Variants in SGCZ observed in about 807,000 individuals in gnomAD.
SGCZ encodes the protein sarcoglycan zeta.
A neutral mutation model predicts 41.3 loss-of-function variants in SGCZ; 40 were observed. The observed-to-expected ratio is 0.97, with a 90% CI of 0.75 to 1.26. The LOEUF is 1.26. SGCZ is among the 50% of genes most tolerant of loss of function. The probability of loss-of-function intolerance (pLI) is 0.00; values close to 1 mark genes in which losing one functional copy is unlikely to be tolerated. For synonymous variants in SGCZ, 206 were observed against 137.5 expected (o/e 1.50, Z -3.49); for missense variants, 552 against 369.8 (o/e 1.49, Z -4.04).
chr8:14,814,153 A>C (rs540502715), intron 1 of SGCZ, among the ~76,000 whole-genome samples: 7 of 152,294 alleles, frequency 4.6e-5, no homozygotes, highest in African/African-American at 1.7e-4. Context: ...AGTTTGAAAT[A>C]ATTAATAAGT....
At chr8:14,403,293 C>T (rs1472826643) in intron 2 of SGCZ, among the ~76,000 whole-genome samples, 2 of 150,296 alleles carry the variant, frequency 1.3e-5, no homozygotes, top group Admixed American at 1.3e-4. Context: ...CCTTCTCCTG[C>T]CTCACTGCCT....
At chr8:14,141,220 T>A (rs1803359241) in intron 5 of SGCZ, among the ~76,000 whole-genome samples, 1 of 152,120 alleles carries the variant, frequency 6.6e-6, no homozygotes, top group African/African-American at 2.4e-5. Flanking sequence ...ATAAAAACCC[T>A]AGAAGGAAAC....
At chr8:14,227,902 C>G (rs1426988610) in intron 4 of SGCZ, among the ~76,000 whole-genome samples, 1 of 152,008 alleles carries the variant, frequency 6.6e-6, no homozygotes, top group East Asian at 1.9e-4. Flanking sequence ...CTGTAGTTAA[C>G]AGACCTAGAT....
intron 2 of SGCZ, among the ~76,000 whole-genome samples, chr8:14,525,193 T>A (rs28759255): frequency 1.3e-5 from 1 of 74,630 alleles, no homozygotes; most frequent in Admixed American, 1.4e-4. Flanking sequence ...GATAGATAGA[T>A]AGACAGACAG....
chr8:14,313,409 GTTC>G, intron 3 of SGCZ, among the ~76,000 whole-genome samples: 1 of 152,160 alleles, frequency 6.6e-6, no homozygotes, highest in East Asian at 1.9e-4. Flanking sequence ...CGCCTCCTGA[GTTC>G]AAGTGATTCT....
chr8:14,817,997 T>C (rs1172483902), intron 1 of SGCZ, among the ~76,000 whole-genome samples: 1 of 152,196 alleles, frequency 6.6e-6, no homozygotes, highest in Non-Finnish European at 1.5e-5. Context: ...CAGGTACATT[T>C]ACTTATCCCA....
chr8:14,454,675 T>C, intron 2 of SGCZ, among the ~76,000 whole-genome samples: 1 of 152,122 alleles, frequency 6.6e-6, no homozygotes, highest in Admixed American at 6.6e-5. Context: ...TAGCATGGTA[T>C]TGATACAGAA....
chr8:15,047,037 T>A (rs1804330738), intron 1 of SGCZ, among the ~76,000 whole-genome samples: 1 of 152,098 alleles, frequency 6.6e-6, no homozygotes, highest in East Asian at 1.9e-4. Flanking sequence ...TAAATTAATG[T>A]AAATGTACTC....
At chr8:15,216,906 C>T (rs978639751) in intron 1 of SGCZ, among the ~76,000 whole-genome samples, 2 of 152,116 alleles carry the variant, frequency 1.3e-5, no homozygotes, top group Non-Finnish European at 1.5e-5. Flanking sequence ...TTTTGGGTAT[C>T]GTTGCTTCTG....
chr8:14,677,809 C>A (rs1027075523), intron 1 of SGCZ, among the ~76,000 whole-genome samples: 13 of 151,792 alleles, frequency 8.6e-5, no homozygotes, highest in Non-Finnish European at 1.9e-4. Context: ...AATAAGTAAA[C>A]TTTATATGGA....
chr8:14,277,847 C>A (rs902943449), intron 3 of SGCZ, among the ~76,000 whole-genome samples: 1 of 151,888 alleles, frequency 6.6e-6, no homozygotes, highest in Non-Finnish European at 1.5e-5. Flanking sequence ...TCTTAAAATC[C>A]CCCCTTTAGG....
chr8:14,465,967 A>T (rs1320496956), intron 2 of SGCZ, among the ~76,000 whole-genome samples: 1 of 151,952 alleles, frequency 6.6e-6, no homozygotes, highest in Non-Finnish European at 1.5e-5. Flanking sequence ...TTTCTCTTAA[A>T]TCATGTACAA....
chr8:14,893,466 A>T (rs1162487707), intron 1 of SGCZ, among the ~76,000 whole-genome samples: 1 of 152,204 alleles, frequency 6.6e-6, no homozygotes, highest in African/African-American at 2.4e-5. Context: ...TACAACAGTA[A>T]TGGGAATTAA....
intron 2 of SGCZ, among the ~76,000 whole-genome samples, chr8:14,515,672 G>A (rs1038803887): frequency 6.6e-6 from 1 of 151,922 alleles, no homozygotes; most frequent in Admixed American, 6.6e-5. Context: ...AAAATTTCTG[G>A]GTCTTTGAGA....
rs145255773 is a variant in SGCZ at position 14,144,232 on chromosome 8, C to T, written c.547+20348G>A. On this transcript the variant is annotated intron_variant, in intron 5 of 7. Transcript: ENST00000382080. Reference sequence around the variant, plus strand: ...CTCATGGCTCCAAATGAGACCCCATCCTTCCACTTAAAGAGAGGAAAGTGG... The same window carrying T: ...CTCATGGCTCCAAATGAGACCCCATTCTTCCACTTAAAGAGAGGAAAGTGG... 9.2e-5 allele frequency among the ~76,000 whole-genome samples: 14 copies of T among 152,280 alleles called. No individual in the cohort carries two copies. In the East Asian group the frequency reaches 2.5e-3, roughly 27 times the overall value.
chr8:14,941,754 G>A lies in SGCZ; in HGVS notation c.39+295831C>T, dbSNP rs544707082. Reference sequence around the variant, plus strand: ...ACGTTTATTAGAGACTTGATTTTTTGCATAAAACAGATATTTTAAATTATC... The same window carrying A: ...ACGTTTATTAGAGACTTGATTTTTTACATAAAACAGATATTTTAAATTATC... On this transcript the variant is annotated intron_variant, in intron 1 of 7. Transcript: ENST00000382080. 5.9e-5 allele frequency among the ~76,000 whole-genome samples: 9 copies of A among 151,458 alleles called. No homozygotes were observed. The South Asian group carries it at 1.7e-3, about 28-fold the overall frequency.
intron 2 of SGCZ, among the ~76,000 whole-genome samples, chr8:14,517,855 A>T (rs1802670415): frequency 6.6e-6 from 1 of 151,660 alleles, no homozygotes; most frequent in Admixed American, 6.6e-5. Context: ...TTTATGTAGT[A>T]TTATCATATT....
chr8:15,132,491 T>C (rs1386046992), intron 1 of SGCZ, among the ~76,000 whole-genome samples: 2 of 152,094 alleles, frequency 1.3e-5, no homozygotes, highest in Non-Finnish European at 2.9e-5. Context: ...TGAAAACCAG[T>C]GGAAGGTTTA....
chr8:14,937,255 A>T (rs556442845), intron 1 of SGCZ, among the ~76,000 whole-genome samples: 36 of 146,750 alleles, frequency 2.5e-4, no homozygotes, highest in Non-Finnish European at 4.2e-4. Flanking sequence ...ATGTTATTTT[A>T]AAAATGTTGC....
Sources: allele counts gnomAD v4.1 joint callset (sites outside exome capture counted in the v4.1 genomes callset), GRCh38; gene constraint gnomAD v4.1.1; transcripts MANE v1.5; gene names NCBI Gene and HGNC (gene_info 2026-07-23, HGNC 2026-07-21).